PCDHGA10: variants seen among roughly 807,000 people sequenced by gnomAD.
PCDHGA10 encodes protocadherin gamma subfamily A, 10.
In PCDHGA10, 42 loss-of-function variants were observed where a neutral mutation model predicts 59.5. That is an observed-to-expected ratio of 0.71 (90% CI 0.55 to 0.91). The LOEUF (loss-of-function observed/expected upper bound fraction) is 0.91. Among genes scored for constraint, PCDHGA10 ranks in the 40% least tolerant of loss-of-function variants. The probability of loss-of-function intolerance (pLI) is 0.00; values close to 1 mark genes in which losing one functional copy is unlikely to be tolerated. For synonymous variants in PCDHGA10, 511 were observed against 517.2 expected, an observed-to-expected ratio of 0.99 and a Z score of 0.16; for missense variants, 1,111 against 1,198.2, an observed-to-expected ratio of 0.93 and a Z score of 1.07.
intron 1 of PCDHGA10, among the ~76,000 whole-genome samples, chr5:141,464,440 T>C (rs566597587): frequency 6.6e-6 from 1 of 151,608 alleles, no homozygotes; most frequent in South Asian, 2.1e-4. Context: ...TATATGTTTG[T>C]TGTTGTTGTT....
intron 3 of PCDHGA10, among the ~76,000 whole-genome samples, 153 bp from the exon 4 acceptor site, chr5:141,510,790 GAAGA>G (rs982513431): frequency 6.6e-5 from 10 of 152,264 alleles, no homozygotes; most frequent in African/African-American, 2.4e-4. Context: ...CAACTCTTGT[GAAGA>G]GAGACTACCT....
chr5:141,413,283 C>A lies in PCDHGA10; in HGVS notation c.108C>A (p.Ser36=), dbSNP rs377443382. The change falls in exon 1 of 4, where the codon TCC becomes TCA. Residue 36 remains serine (S), a synonymous_variant. Coordinates refer to ENST00000398610, the MANE Select transcript of PCDHGA10 (RefSeq NM_018913.3). ...IPWEAGARQI[S]YSIPEELEKG... is the part of the protein sequence containing the mutation. ...GGGAGGCTGGAGCCCGGCAGATCTC[C>A]TACTCAATTCCTGAGGAATTAGAGA... The A allele has an allele frequency of 3.6e-5, 58 of 1,613,848 alleles. No individual in the cohort carries two copies. The African/African-American group carries it at 7.6e-4, about 21-fold the overall frequency.
intron 2 of PCDHGA10, among the ~76,000 whole-genome samples, chr5:141,497,336 A>G (rs558221190): frequency 1.6e-3 from 251 of 152,122 alleles, no homozygotes; most frequent in Non-Finnish European, 2.8e-3. Flanking sequence ...TTCACCATTG[A>G]ACCTGGAAGC....
At chr5:141,446,296 G>A (rs2098497546) in intron 1 of PCDHGA10, among the ~76,000 whole-genome samples, 1 of 152,160 alleles carries the variant, frequency 6.6e-6, no homozygotes, top group Non-Finnish European at 1.5e-5. Context: ...GGGGAGCAGG[G>A]ATTAAGAGTG....
At position 141,431,783 on chromosome 5, in the gene PCDHGA10, G is replaced by T; in HGVS notation, c.2436+16172G>T. 2 of 1,614,174 alleles carry T rather than the reference G, an allele frequency of 1.2e-6. No homozygotes were observed. Among genetic ancestry groups the T allele is most frequent in the East Asian group, 2.2e-5 (1 of 44,878 alleles). On this transcript the variant is annotated intron_variant, in intron 1 of 3. Transcript: ENST00000398610. The surrounding 1 kb of genome is among the most constrained non-coding windows in gnomAD (Gnocchi z 4.8). Reference sequence around the variant, plus strand: ...CCTGATCACTGTTCTGGACGTGAACGACAATGCCCCAGAAGTGGTCCTCAC... The same window carrying T: ...CCTGATCACTGTTCTGGACGTGAACTACAATGCCCCAGAAGTGGTCCTCAC...
intron 1 of PCDHGA10, among the ~76,000 whole-genome samples, chr5:141,456,778 C>T (rs568292085): frequency 3.7e-4 from 57 of 152,242 alleles, no homozygotes; most frequent in African/African-American, 1.3e-3. Flanking sequence ...GCCTGGCCTA[C>T]ATGGCAAAAC....
Position 141,414,540 on chromosome 5 carries a change from C to G in PCDHGA10, c.1365C>G (p.Thr455=). 6.2e-7 allele frequency: 1 copy of G among 1,613,948 alleles called. No individual in the cohort carries two copies. ...QVADINDNPP[T]FSQVSYFTYI... ...CAGATATCAATGACAACCCACCTAC[C>G]TTCTCTCAAGTCTCCTACTTTACCT... The change falls in exon 1 of 4, where the codon ACC becomes ACG. Residue 455 remains threonine, a synonymous_variant. Transcript: ENST00000398610.
chr5:141,415,284 G>A lies in PCDHGA10; in HGVS notation c.2109G>A (p.Ala703=), dbSNP rs186109113. 27 of 1,614,198 alleles carry A rather than the reference G, an allele frequency of 1.7e-5. No homozygotes were observed. The highest frequency in any genetic ancestry group is 2.3e-5 in the Non-Finnish European group (27 of 1,180,030). The change falls in exon 1 of 4, where the codon GCG becomes GCA. Residue 703 remains alanine (A), a synonymous_variant. Transcript: ENST00000398610. ...TGTACCTGGTGGTAGCGGTGGCCGCGGTCTCCTGCGTCTTCCTGGCCTTCG... is the reference window on the plus strand; with the variant it reads ...TGTACCTGGTGGTAGCGGTGGCCGCAGTCTCCTGCGTCTTCCTGGCCTTCG... ...LTLYLVVAVA[A]VSCVFLAFVI... is the part of the protein sequence containing the mutation.
intron 1 of PCDHGA10, chr5:141,420,067 A>C (rs2096463342): frequency 6.2e-7 from 1 of 1,614,034 alleles, no homozygotes; most frequent in Non-Finnish European, 8.5e-7. Flanking sequence ...CCAAGTCCGG[A>C]CCTGTGGGTC....
rs370299433 is a variant in PCDHGA10 at position 141,476,360 on chromosome 5, G to A, written c.2437-18447G>A. 5.3e-5 allele frequency: 86 copies of A among 1,614,186 alleles called. No homozygotes were observed. The highest frequency in any genetic ancestry group is 6.7e-5 in the Non-Finnish European group (79 of 1,180,042). ...CCGAAGATTCTTTGAGGTGAACCGG[G>A]AGACCGGAGAGATGTTTGTGAACGA... On this transcript the variant is annotated intron_variant, in intron 1 of 3. Transcript: ENST00000398610. This position sits in a 1 kb window ranked among gnomAD's most constrained non-coding sequence, Gnocchi z 7.6.
chr5:141,509,308 C>G (rs943174290), intron 3 of PCDHGA10, among the ~76,000 whole-genome samples: 6 of 152,152 alleles, frequency 3.9e-5, no homozygotes, highest in African/African-American at 1.4e-4. Flanking sequence ...CAGAGGGAGG[C>G]TGGGAGAGAA....
At chr5:141,428,823 T>C (rs2097162740) in intron 1 of PCDHGA10, 1 of 152,274 alleles carries the variant, frequency 6.6e-6, no homozygotes, top group Non-Finnish European at 1.5e-5. Context: ...TTAGCTTTCA[T>C]GTATTTTTGA....
intron 1 of PCDHGA10, among the ~76,000 whole-genome samples, chr5:141,464,912 T>A (rs1303305860): frequency 2.6e-5 from 4 of 152,092 alleles, no homozygotes; most frequent in Non-Finnish European, 5.9e-5. Context: ...CTAATTTTTT[T>A]ATTTTTTTGT....
rs147564249 is a variant in PCDHGA10, at chr5:141,432,378, C to T, written c.2436+16767C>T. 1 of 1,614,234 alleles carries T rather than the reference C, an allele frequency of 6.2e-7. No homozygotes were observed. Among genetic ancestry groups the T allele is most frequent in the Non-Finnish European group, 8.5e-7 (1 of 1,180,044 alleles). ...GTGATGGCGCGGGACAACGGGCACCCGCCCCTCAGCAGCAACGTGTCGTTG... is the reference window on the plus strand; with the variant it reads ...GTGATGGCGCGGGACAACGGGCACCTGCCCCTCAGCAGCAACGTGTCGTTG... On this transcript the variant is annotated intron_variant, in intron 1 of 3. Coordinates refer to ENST00000398610, the MANE Select transcript of PCDHGA10 (RefSeq NM_018913.3). This position sits in a 1 kb window ranked among gnomAD's most constrained non-coding sequence, Gnocchi z 6.0.
intron 1 of PCDHGA10, chr5:141,417,966 C>T: frequency 6.2e-7 from 1 of 1,613,776 alleles, no homozygotes; most frequent in Non-Finnish European, 8.5e-7. Flanking sequence ...ATCCGCTACT[C>T]GATTCCGGAG....
At chr5:141,420,462 G>T in intron 1 of PCDHGA10, 2 of 892,618 alleles carry the variant, frequency 2.2e-6, no homozygotes. Context: ...ACTATTCAAA[G>T]ACATTTTAAA....
At chr5:141,479,877 T>C (rs967661238) in intron 1 of PCDHGA10, among the ~76,000 whole-genome samples, 2 of 152,188 alleles carry the variant, frequency 1.3e-5, no homozygotes, top group African/African-American at 4.8e-5. Flanking sequence ...GAGAACCCTA[T>C]ACATACTCTC....
intron 1 of PCDHGA10, among the ~76,000 whole-genome samples, chr5:141,442,612 A>C (rs1180568407): frequency 6.6e-6 from 1 of 152,212 alleles, no homozygotes; most frequent in Non-Finnish European, 1.5e-5. Flanking sequence ...ATCTCAGTAA[A>C]AAGCATTTCT....
rs1562065751 is a variant in PCDHGA10, at chr5:141,477,907, C to T, written c.2437-16900C>T. The T allele has an allele frequency of 1.9e-6, 3 of 1,614,164 alleles. No homozygotes were observed. The highest frequency in any genetic ancestry group is 2.2e-5 in the East Asian group (1 of 44,872). ...TAGTGTCACGGGTGGTAGGCTGGGA[C>T]GCGGATGCAGGGCACAATGCCTGGC... On this transcript the variant is annotated intron_variant, in intron 1 of 3. Transcript: ENST00000398610. This position sits in a 1 kb window ranked among gnomAD's most constrained non-coding sequence, Gnocchi z 4.9.
Sources: allele counts gnomAD v4.1 joint callset (sites outside exome capture counted in the v4.1 genomes callset), GRCh38; gene constraint gnomAD v4.1.1; non-coding constraint Gnocchi (gnomAD v3.1); transcripts MANE v1.5; gene names NCBI Gene and HGNC (gene_info 2026-07-23, HGNC 2026-07-21).